Variants in EML1 observed in about 807,000 individuals in gnomAD.
The protein encoded by EML1 is echinoderm microtubule-associated protein-like 1.
EML1 carries 27 observed loss-of-function variants against 110.4 expected under a neutral mutation model. That is an observed-to-expected ratio of 0.24 (90% CI 0.18 to 0.34). The LOEUF (loss-of-function observed/expected upper bound fraction) is 0.34, where lower values mean the gene tolerates loss of function less well. Ranked by LOEUF, EML1 falls within the 10% of genes least tolerant of loss-of-function variation. The pLI, the probability that EML1 is intolerant of heterozygous loss-of-function variation, is 1.00. For synonymous variants in EML1, 344 were observed against 385.8 expected (o/e 0.89, Z 1.27); for missense variants, 741 against 1,030.9 (o/e 0.72, Z 3.85).
At chr14:99,914,733 G>A (rs1335704062) in intron 15 of EML1, 36 bp downstream of exon 15, 4 of 1,576,866 alleles carry the variant, frequency 2.5e-6, no homozygotes, top group Admixed American at 4.0e-5. Flanking sequence ...TTTTCTTACA[G>A]AAATTCATCT....
intron 4 of EML1, among the ~76,000 whole-genome samples, chr14:99,880,542 T>C (rs2059367944): frequency 6.6e-6 from 1 of 152,126 alleles, no homozygotes; most frequent in Non-Finnish European, 1.5e-5. Flanking sequence ...GGCCCCCATG[T>C]AATTTCTGTT....
chr14:99,770,065 C>T (rs1255853423), upstream of EML1, among the ~76,000 whole-genome samples: 2 of 152,182 alleles, frequency 1.3e-5, no homozygotes, highest in African/African-American at 2.4e-5. Flanking sequence ...GACACTTAAC[C>T]TTTGTACCAT....
chr14:99,747,730 A>C (rs2057128068), intron 1 of EML1, among the ~76,000 whole-genome samples: 1 of 152,116 alleles, frequency 6.6e-6, no homozygotes, highest in Non-Finnish European at 1.5e-5. Context: ...GGCTCGGAGT[A>C]AGGACACCTG....
intron 1 of EML1, among the ~76,000 whole-genome samples, chr14:99,842,420 C>G (rs2058647746): frequency 6.6e-6 from 1 of 152,038 alleles, no homozygotes; most frequent in Non-Finnish European, 1.5e-5. Flanking sequence ...GTCTCCCAGT[C>G]GTATTCTTCA....
At position 99,765,583 on chromosome 14, in the gene EML1, T is replaced by C. The variant is rs188656118; in HGVS notation, c.28+27723T>C. ...TTCCTTTAAAGTTAAAAATATTACA[T>C]TGTATAGATTTACCGCACTATATAT... On this transcript the variant is annotated intron_variant, in intron 1 of 10. Transcript: ENST00000554479. Among the ~76,000 whole-genome samples the C allele has an allele frequency of 2.4e-3, 369 of 152,244 alleles. 4 individuals carry two copies. Among genetic ancestry groups the C allele is most frequent in the African/African-American group, 8.6e-3 (356 of 41,542 alleles).
chr14:99,813,868 A>G lies in EML1; in HGVS notation c.67+20325A>G, dbSNP rs920320404. Reference sequence around the variant, plus strand: ...AGCTGAATATTTATTTTTATGCTCCAGAAAACCTGACCCAAGAATCCCTTT... The same window carrying G: ...AGCTGAATATTTATTTTTATGCTCCGGAAAACCTGACCCAAGAATCCCTTT... On this transcript the variant is annotated intron_variant, in intron 1 of 21. Transcript: ENST00000262233. 4.6e-5 allele frequency among the ~76,000 whole-genome samples: 7 copies of G among 152,182 alleles called. No homozygotes were observed. In the East Asian group the frequency reaches 5.8e-4, roughly 13 times the overall value.
chr14:99,838,918 C>CGCGTGT (rs3071409), intron 1 of EML1: 12 of 33,614 alleles, frequency 3.6e-4, no homozygotes, highest in South Asian at 1.0e-3. Context: ...CGCGCGCGCG[C>CGCGTGT]GTGTGTGTGT....
intron 3 of EML1, among the ~76,000 whole-genome samples, chr14:99,866,219 G>A (rs1391141354): frequency 1.3e-5 from 2 of 152,178 alleles, no homozygotes; most frequent in African/African-American, 4.8e-5. Flanking sequence ...AAGGTGGGCG[G>A]ATCACTTGAG....
At chr14:99,750,810 C>G (rs1192018120) in intron 1 of EML1, among the ~76,000 whole-genome samples, 2 of 152,136 alleles carry the variant, frequency 1.3e-5, no homozygotes, top group East Asian at 3.9e-4. Context: ...GAGTCTAACC[C>G]GATCGCCCCT....
At chr14:99,743,315 C>A (rs185078614) in intron 1 of EML1, among the ~76,000 whole-genome samples, 3 of 152,134 alleles carry the variant, frequency 2.0e-5, no homozygotes, top group African/African-American at 4.8e-5. Context: ...CTCCAGGGAC[C>A]CTTCCCTGAG....
At chr14:99,853,352 CAG>C (rs777174870) in intron 2 of EML1, among the ~76,000 whole-genome samples, 58 of 152,130 alleles carry the variant, frequency 3.8e-4, no homozygotes, top group Non-Finnish European at 5.0e-4. Flanking sequence ...ACAGTGGAAA[CAG>C]GGGCAGGAGG....
In EML1 at chr14:99,933,821, C is replaced by T. The variant is rs2060417424; in HGVS notation, c.1910-2208C>T. Among the ~76,000 whole-genome samples the T allele has an allele frequency of 1.3e-5, 2 of 152,214 alleles. 1 individual carries two copies. The highest frequency in any genetic ancestry group is 3.8e-4 in the East Asian group (2 of 5,200). On this transcript the variant is annotated intron_variant, in intron 17 of 21. Coordinates refer to ENST00000262233, the MANE Select transcript of EML1 (RefSeq NM_004434.3). Reference sequence around the variant, plus strand: ...TCAAACATATTGGCCAGGCCGGGCACGGTGGCTCACGCCTGTAATCCCAGC... The same window carrying T: ...TCAAACATATTGGCCAGGCCGGGCATGGTGGCTCACGCCTGTAATCCCAGC...
intron 17 of EML1, among the ~76,000 whole-genome samples, chr14:99,921,330 C>T (rs1017120443): frequency 5.9e-5 from 9 of 152,098 alleles, no homozygotes; most frequent in Non-Finnish European, 1.2e-4. Context: ...TATTGATGGG[C>T]ATTTGGGTTG....
chr14:99,804,480 C>T (rs2057936234), intron 1 of EML1, among the ~76,000 whole-genome samples: 3 of 152,100 alleles, frequency 2.0e-5, no homozygotes, highest in Admixed American at 2.0e-4. Context: ...AAACAGAGGC[C>T]CAAAACTTTG....
rs550266004 is a variant in EML1, at chr14:99,905,427, G to A, written c.1009-2211G>A. Among the ~76,000 whole-genome samples, 1 of 152,298 alleles carries A rather than the reference G, an allele frequency of 6.6e-6. No individual in the cohort carries two copies. Among genetic ancestry groups the A allele is most frequent in the Admixed American group, 6.5e-5 (1 of 15,302 alleles). On this transcript the variant is annotated intron_variant, in intron 9 of 21. Coordinates refer to ENST00000262233, the MANE Select transcript of EML1 (RefSeq NM_004434.3). This position sits in a 1 kb window ranked among gnomAD's most constrained non-coding sequence, Gnocchi z 4.1. ...ACATAAGAAAGGGAAAAAGGAGAGAGAGAAAAGCATTCCCTGTGGCAGGGC... is the reference window on the plus strand; with the variant it reads ...ACATAAGAAAGGGAAAAAGGAGAGAAAGAAAAGCATTCCCTGTGGCAGGGC...
chr14:99,795,047 G>A (rs2057744748), intron 1 of EML1, among the ~76,000 whole-genome samples: 1 of 152,224 alleles, frequency 6.6e-6, no homozygotes, highest in Non-Finnish European at 1.5e-5. Context: ...GGAAAGATAT[G>A]TGGCTGAAAT....
chr14:99,865,278 A>G (rs1440417436), intron 2 of EML1, among the ~76,000 whole-genome samples: 1 of 152,168 alleles, frequency 6.6e-6, no homozygotes, highest in Non-Finnish European at 1.5e-5. Context: ...CACAGTTCAC[A>G]AGAGTTTGCA....
rs556063395 is a variant in EML1, at chr14:99,826,192, A to G, written c.68-24661A>G. On this transcript the variant is annotated intron_variant, in intron 1 of 21. Transcript: ENST00000262233. ...CAGTGGCGTGATCTCGGCTCACTGC[A>G]ACCTCCTCCTCCCAGGTTCAAGCAA... 1.7e-3 allele frequency among the ~76,000 whole-genome samples: 242 copies of G among 141,560 alleles called. 1 individual carries two copies. The highest frequency in any genetic ancestry group is 6.1e-3 in the African/African-American group (225 of 36,818). 92.9% of individuals were successfully genotyped at this position (141,560 alleles called of 152,430 possible). A position where few individuals can be genotyped will look rare whatever the true frequency, so the allele number is the denominator to read the frequency against.
At chr14:99,921,574 G>A (rs1248921799) in intron 17 of EML1, among the ~76,000 whole-genome samples, 1 of 152,144 alleles carries the variant, frequency 6.6e-6, no homozygotes, top group Non-Finnish European at 1.5e-5. Context: ...TGAACCCCAT[G>A]TACTCATCCG....
Sources: gnomAD v4.1 joint callset for allele counts (sites outside exome capture counted in the v4.1 genomes callset) on GRCh38, gnomAD v4.1.1 for gene constraint, Gnocchi (gnomAD v3.1) non-coding constraint, MANE v1.5 for transcripts, NCBI Gene and HGNC (gene_info 2026-07-23, HGNC 2026-07-21) for gene names.